The following LRRC4C variants were observed in gnomAD, a reference collection of about 807,000 sequenced individuals.
The protein encoded by LRRC4C is leucine rich repeat containing 4C.
Under a neutral mutation model 33.6 loss-of-function variants are expected in LRRC4C, and 5 were observed. The ratio of observed to expected loss-of-function variants is 0.15; its 90% CI spans 0.08 to 0.31. LRRC4C has a LOEUF of 0.31. Ranked by LOEUF, LRRC4C falls within the 10% of genes least tolerant of loss-of-function variation. The pLI, the probability that LRRC4C is intolerant of heterozygous loss-of-function variation, is 1.00. For synonymous variants in LRRC4C, 329 were observed against 302.0 expected, an observed-to-expected ratio of 1.09 and a Z score of -0.93; for missense variants, 560 against 796.7, an observed-to-expected ratio of 0.70 and a Z score of 3.58.
intron 2 of LRRC4C, among the ~76,000 whole-genome samples, chr11:40,899,612 A>T (rs1956120781): frequency 6.6e-6 from 1 of 152,172 alleles, no homozygotes. Context: ...ACTGTGTCTT[A>T]ATGAAGAGTA....
chr11:40,936,048 ATATATATATATATATAT>A lies in LRRC4C; in HGVS notation c.-495-2342_-495-2326del, dbSNP rs1565219313. Among the ~76,000 whole-genome samples the A allele has an allele frequency of 1.0e-3, 86 of 83,988 alleles. 1 individual carries two copies. Among genetic ancestry groups the A allele is most frequent in the Non-Finnish European group, 1.5e-3 (62 of 40,834 alleles). The allele number at this position is 83,988 out of a possible 152,430, so 55.1% of individuals were successfully genotyped here. A position where few individuals can be genotyped will look rare whatever the true frequency, so the allele number is the denominator to read the frequency against. ...TATATATATATATATATATATATAT[ATATATATATATATATAT>A]AACATAGTTTGAACCTTAACTCTGT... On this transcript the variant is annotated intron_variant, in intron 1 of 6. Coordinates refer to ENST00000528697, the MANE Select transcript of LRRC4C (RefSeq NM_001258419.2).
Position 40,115,355 on chromosome 11 carries a change from C to T in LRRC4C, c.938G>A (p.Ser313Asn), listed in dbSNP as rs1334022606. The T allele has an allele frequency of 6.2e-7, 1 of 1,614,052 alleles. No homozygotes were observed. The highest frequency in any genetic ancestry group is 8.5e-7 in the Non-Finnish European group (1 of 1,180,042). Residue 313 changes from serine to asparagine, a missense_variant, in exon 7 of 7, where the codon AGC becomes AAC. Physicochemically the swap from Ser to Asn is conservative, Grantham distance 46 (BLOSUM62 1). This residue lies in a region of LRRC4C where 455 missense variants were observed against 643.8 expected (regional missense o/e 0.71). Transcript: ENST00000528697. This position sits in a 1 kb window ranked among gnomAD's most constrained non-coding sequence, Gnocchi z 6.7. Reference sequence around the variant, plus strand: ...GGGGGCCATGTCTTTTATCCACCAGCTGAGCCACAGTATGTCACAGTTACA... The same window carrying T: ...GGGGGCCATGTCTTTTATCCACCAGTTGAGCCACAGTATGTCACAGTTACA... ...WNCNCDILWL[S>N]WWIKDMAPSN...
chr11:41,304,459 G>A (rs1283850109), intron 1 of LRRC4C, among the ~76,000 whole-genome samples: 1 of 79,344 alleles, frequency 1.3e-5, no homozygotes, highest in African/African-American at 4.9e-5. Flanking sequence ...GCCTCTGCCC[G>A]GCCGCCCCTA....
intron 2 of LRRC4C, among the ~76,000 whole-genome samples, chr11:40,712,546 A>C (rs1197600713): frequency 1.3e-5 from 2 of 152,210 alleles, no homozygotes; most frequent in African/African-American, 4.8e-5. Flanking sequence ...TTCTAGAAAA[A>C]CTTACAAATA....
intron 2 of LRRC4C, among the ~76,000 whole-genome samples, chr11:40,850,280 T>C (rs1241738631): frequency 6.6e-6 from 1 of 152,168 alleles, no homozygotes; most frequent in Non-Finnish European, 1.5e-5. Flanking sequence ...TTTATCTACC[T>C]TTGATCTTTG....
At chr11:40,619,991 C>T (rs1338662468) in intron 3 of LRRC4C, among the ~76,000 whole-genome samples, 1 of 129,898 alleles carries the variant, frequency 7.7e-6, no homozygotes, top group Non-Finnish European at 1.6e-5. Context: ...CCAACAAATG[C>T]AAAAGTTCAT....
chr11:40,758,190 G>A (rs1156657019), intron 2 of LRRC4C, among the ~76,000 whole-genome samples: 1 of 152,036 alleles, frequency 6.6e-6, no homozygotes, highest in Non-Finnish European at 1.5e-5. Flanking sequence ...TCTGGAGCAG[G>A]AGATAAATTA....
chr11:40,544,451 T>C (rs1194995363), intron 3 of LRRC4C, among the ~76,000 whole-genome samples: 1 of 152,120 alleles, frequency 6.6e-6, no homozygotes, highest in African/African-American at 2.4e-5. Flanking sequence ...ACAGATTCTT[T>C]GTACCTACTT....
chr11:41,138,319 C>A (rs940681978), intron 1 of LRRC4C, among the ~76,000 whole-genome samples: 18 of 152,164 alleles, frequency 1.2e-4, no homozygotes, highest in African/African-American at 4.3e-4. Flanking sequence ...TTGTGGGACA[C>A]CACTGGAAAA....
At chr11:41,138,723 T>C (rs902233496) in intron 1 of LRRC4C, among the ~76,000 whole-genome samples, 9 of 152,190 alleles carry the variant, frequency 5.9e-5, no homozygotes, top group Non-Finnish European at 2.9e-5. Flanking sequence ...TAAATAGATA[T>C]TCTGAAAACC....
intron 3 of LRRC4C, among the ~76,000 whole-genome samples, chr11:40,621,236 C>T (rs1245049999): frequency 6.6e-6 from 1 of 151,566 alleles, no homozygotes; most frequent in Non-Finnish European, 1.5e-5. Flanking sequence ...CCATTTAAAT[C>T]CCTTTAATGG....
At chr11:41,452,816 T>G (rs1956067563) in intron 1 of LRRC4C, among the ~76,000 whole-genome samples, 3 of 152,100 alleles carry the variant, frequency 2.0e-5, no homozygotes, top group African/African-American at 7.2e-5. Context: ...CATGTGCTGG[T>G]AATAATTTGT....
At chr11:40,446,640 A>T (rs1951648237) in intron 3 of LRRC4C, 1 of 152,142 alleles carries the variant, frequency 6.6e-6, no homozygotes, top group Non-Finnish European at 1.5e-5. Flanking sequence ...ATTTACAAAG[A>T]AAACAGGTTT....
At chr11:40,776,797 A>G (rs1950017181) in intron 2 of LRRC4C, among the ~76,000 whole-genome samples, 1 of 151,628 alleles carries the variant, frequency 6.6e-6, no homozygotes, top group Non-Finnish European at 1.5e-5. Flanking sequence ...ATTATTTTCT[A>G]GTTCTTCTAG....
intron 1 of LRRC4C, among the ~76,000 whole-genome samples, chr11:41,417,861 C>T (rs1270552299): frequency 2.0e-5 from 3 of 151,544 alleles, no homozygotes; most frequent in African/African-American, 4.8e-5. Context: ...CTATTCATTG[C>T]TGTTGCTATC....
chr11:40,739,817 T>C (rs1182193004), intron 2 of LRRC4C, among the ~76,000 whole-genome samples: 1 of 152,052 alleles, frequency 6.6e-6, no homozygotes, highest in East Asian at 1.9e-4. Context: ...CATGTGGAAC[T>C]GTCAGTCAAT....
Position 40,358,800 on chromosome 11 carries a change from T to C in LRRC4C, c.-269-39079A>G, listed in dbSNP as rs1356204846. 2.0e-5 allele frequency among the ~76,000 whole-genome samples: 3 copies of C among 152,160 alleles called. No homozygotes were observed. The East Asian group carries it at 5.8e-4, about 29-fold the overall frequency. On this transcript the variant is annotated intron_variant, in intron 3 of 6. Coordinates refer to ENST00000528697, the MANE Select transcript of LRRC4C (RefSeq NM_001258419.2). ...AAACCCTCTATGCTCCTGTTTTTGA[T>C]AGTAATCATCCTTTGAGACTTGGCC... is the stretch of plus-strand genomic sequence containing the variant.
intron 1 of LRRC4C, among the ~76,000 whole-genome samples, chr11:41,040,374 A>C (rs1857360584): frequency 6.6e-6 from 1 of 152,184 alleles, no homozygotes; most frequent in Admixed American, 6.5e-5. Context: ...GTATTTACTG[A>C]ATATCTACTA....
intron 5 of LRRC4C, among the ~76,000 whole-genome samples, chr11:40,237,519 T>C (rs1377112): frequency 0.57 from 86,767 of 152,064 alleles, 27,276 homozygotes; most frequent in East Asian, 0.78. Context: ...ATGGATTAAG[T>C]AGCATTGTGT....
Sources: allele counts gnomAD v4.1 joint callset (sites outside exome capture counted in the v4.1 genomes callset), GRCh38; gene constraint gnomAD v4.1.1; regional missense constraint gnomAD v4.1.1; non-coding constraint Gnocchi (gnomAD v3.1); transcripts MANE v1.5; gene names NCBI Gene and HGNC (gene_info 2026-07-23, HGNC 2026-07-21).